Variants in WDR72 observed in about 807,000 individuals in gnomAD.
WDR72 encodes WD repeat domain 72.
A neutral mutation model predicts 124.2 loss-of-function variants in WDR72; 120 were observed. The observed-to-expected ratio is 0.97, with a 90% CI of 0.83 to 1.12. The LOEUF is 1.12. Ranked by LOEUF, WDR72 falls within the 50% of genes most tolerant of loss-of-function variation. WDR72 has a pLI of 0.00. For synonymous variants in WDR72, 452 were observed against 441.7 expected, an observed-to-expected ratio of 1.02 and a Z score of -0.29; for missense variants, 1,387 against 1,278.8, an observed-to-expected ratio of 1.08 and a Z score of -1.29.
chr15:53,704,825 A>AAAC (rs1326055892), intron 11 of WDR72, among the ~76,000 whole-genome samples, 163 bp downstream of exon 11: 58 of 151,296 alleles, frequency 3.8e-4, no homozygotes, highest in African/African-American at 1.2e-3. Flanking sequence ...TTAAAAAAAA[A>AAAC]AAAAAAACCT....
intron 13 of WDR72, among the ~76,000 whole-genome samples, chr15:53,686,132 C>T (rs1024018617): frequency 1.4e-4 from 20 of 147,348 alleles, no homozygotes; most frequent in East Asian, 6.2e-4. Flanking sequence ...ACCATCGAGA[C>T]GAGGACGAAA....
chr15:53,578,566 A>G (rs1404627294), intron 18 of WDR72, among the ~76,000 whole-genome samples: 1 of 152,078 alleles, frequency 6.6e-6, no homozygotes, highest in African/African-American at 2.4e-5. Flanking sequence ...GAGGAACTGA[A>G]AAGGGTATGG....
intron 17 of WDR72, among the ~76,000 whole-genome samples, chr15:53,597,946 A>C (rs1349693350): frequency 1.3e-5 from 2 of 152,092 alleles, no homozygotes; most frequent in African/African-American, 2.4e-5. Flanking sequence ...TCAAGCTTAC[A>C]CAGACTTGGT....
chr15:53,600,342 T>G (rs1049005272), intron 17 of WDR72, among the ~76,000 whole-genome samples: 2 of 152,274 alleles, frequency 1.3e-5, no homozygotes, highest in East Asian at 3.9e-4. Context: ...TTATATAACT[T>G]TGTAATTTTA....
chr15:53,741,382 C>T (rs1230585404), intron 1 of WDR72, among the ~76,000 whole-genome samples: 3 of 152,168 alleles, frequency 2.0e-5, no homozygotes, highest in African/African-American at 7.2e-5. Flanking sequence ...GAATCGATCT[C>T]GAACAATCCA....
At chr15:53,606,426 G>T (rs1248848498) in intron 17 of WDR72, among the ~76,000 whole-genome samples, 2 of 152,140 alleles carry the variant, frequency 1.3e-5, no homozygotes, top group Non-Finnish European at 2.9e-5. Context: ...CATTAAATAT[G>T]TATTGACTGC....
chr15:53,676,181 T>C (rs527139), intron 13 of WDR72, among the ~76,000 whole-genome samples: 10,340 of 152,090 alleles, frequency 0.068, 1,199 homozygotes, highest in African/African-American at 0.24. Context: ...TCCAGAAAGG[T>C]AGGACTGTCC....
At chr15:53,718,782 T>TCTTAAGATTTTTAAAAATCTTAAAAAC (rs2017785778) in intron 3 of WDR72, among the ~76,000 whole-genome samples, 1 of 113,864 alleles carries the variant, frequency 8.8e-6, no homozygotes, top group African/African-American at 2.7e-5. Flanking sequence ...ATTTTAAAAA[T>TCTTAAGATTTTTAAAAATCTTAAAAAC]CTTAAGATTT....
At chr15:53,528,609 A>G (rs894458802) in intron 18 of WDR72, among the ~76,000 whole-genome samples, 7 of 152,084 alleles carry the variant, frequency 4.6e-5, no homozygotes, top group African/African-American at 1.4e-4. Context: ...AATGTTGTGA[A>G]GAGTAACTAT....
chr15:53,612,077 A>G (rs1050717464), intron 16 of WDR72, among the ~76,000 whole-genome samples: 1 of 152,158 alleles, frequency 6.6e-6, no homozygotes, highest in Non-Finnish European at 1.5e-5. Context: ...AATAGAACAC[A>G]AATAGTGAAT....
intron 1 of WDR72, among the ~76,000 whole-genome samples, chr15:53,750,604 T>C (rs939515158): frequency 1.3e-5 from 2 of 152,178 alleles, no homozygotes; most frequent in Non-Finnish European, 2.9e-5. Context: ...TAGGTAGAGA[T>C]TCCTCTGATA....
chr15:53,667,389 T>A (rs2140454197), intron 13 of WDR72, among the ~76,000 whole-genome samples: 1 of 151,534 alleles, frequency 6.6e-6, no homozygotes, highest in East Asian at 2.0e-4. Flanking sequence ...CACAATGGTA[T>A]GCAACAGCTA....
chr15:53,681,450 C>G (rs1237785853), intron 13 of WDR72, among the ~76,000 whole-genome samples: 1 of 152,062 alleles, frequency 6.6e-6, no homozygotes, highest in South Asian at 2.1e-4. Flanking sequence ...GTAGGTGAAG[C>G]CCCCGTAAAC....
intron 5 of WDR72, among the ~76,000 whole-genome samples, chr15:53,714,896 C>A (rs2017660766): frequency 6.6e-6 from 1 of 152,164 alleles, no homozygotes; most frequent in Non-Finnish European, 1.5e-5. Context: ...TCCTGCTAAT[C>A]CACAACAAAA....
At chr15:53,660,607 T>C (rs953900664) in intron 14 of WDR72, among the ~76,000 whole-genome samples, 2 of 152,192 alleles carry the variant, frequency 1.3e-5, no homozygotes, top group Admixed American at 1.3e-4. Context: ...ACCATATGTC[T>C]AGAAAGCTCA....
intron 13 of WDR72, among the ~76,000 whole-genome samples, chr15:53,674,573 G>A (rs1595838834): frequency 6.6e-6 from 1 of 152,150 alleles, no homozygotes; most frequent in Non-Finnish European, 1.5e-5. Context: ...TGGGGAAAGG[G>A]AATGAGTCTT....
At chr15:53,551,348 G>T (rs915287127) in intron 18 of WDR72, among the ~76,000 whole-genome samples, 1 of 152,098 alleles carries the variant, frequency 6.6e-6, no homozygotes, top group African/African-American at 2.4e-5. Flanking sequence ...ACGCAGAATT[G>T]GCATGTTTAG....
chr15:53,553,440 T>C (rs1346068901), intron 18 of WDR72, among the ~76,000 whole-genome samples: 7 of 152,146 alleles, frequency 4.6e-5, no homozygotes. Flanking sequence ...TTTCTGAAGC[T>C]GTTGTGTCAT....
chr15:53,617,890 A>G (rs903850725), intron 14 of WDR72, among the ~76,000 whole-genome samples: 1 of 151,962 alleles, frequency 6.6e-6, no homozygotes, highest in Non-Finnish European at 1.5e-5. Context: ...AAATCTACAA[A>G]GATAGTGGCT....
Sources: allele counts gnomAD v4.1 joint callset (sites outside exome capture counted in the v4.1 genomes callset), GRCh38; gene constraint gnomAD v4.1.1; transcripts MANE v1.5; gene names NCBI Gene and HGNC (gene_info 2026-07-23, HGNC 2026-07-21).